ZKSCAN7: variants seen among roughly 807,000 people sequenced by gnomAD.
The protein encoded by ZKSCAN7 is zinc finger protein with KRAB and SCAN domains 7.
In ZKSCAN7, 38 loss-of-function variants were observed where a neutral mutation model predicts 65.3. The observed-to-expected ratio is 0.58, with a 90% CI of 0.45 to 0.76. The LOEUF (loss-of-function observed/expected upper bound fraction) is 0.76. ZKSCAN7 is among the 30% of genes least tolerant of loss of function. ZKSCAN7 has a pLI of 0.00. For missense variants in ZKSCAN7, 815 were observed against 913.3 expected, an observed-to-expected ratio of 0.89 and a Z score of 1.39; for synonymous variants, 321 against 321.0, an observed-to-expected ratio of 1.00 and a Z score of 0.00.
intron 5 of ZKSCAN7, among the ~76,000 whole-genome samples, chr3:44,577,391 A>G (rs1283894450): frequency 1.3e-5 from 2 of 152,148 alleles, no homozygotes; most frequent in Non-Finnish European, 2.9e-5. Flanking sequence ...AGTGGAACAA[A>G]TACAAAATGC....
chr3:44,561,996 A>G (rs921440577), intron 2 of ZKSCAN7, among the ~76,000 whole-genome samples: 6 of 152,226 alleles, frequency 3.9e-5, no homozygotes, highest in African/African-American at 1.4e-4. Context: ...CCACTAGGGA[A>G]TGCCTCAGCA....
At chr3:44,569,647 T>A (rs1043426412) in intron 5 of ZKSCAN7, among the ~76,000 whole-genome samples, 1 of 152,158 alleles carries the variant, frequency 6.6e-6, no homozygotes, top group South Asian at 2.1e-4. Flanking sequence ...GCAATCCACT[T>A]TTTTGCTTTC....
At chr3:44,580,182 G>T in intron 5 of ZKSCAN7, 1 of 1,610,078 alleles carries the variant, frequency 6.2e-7, no homozygotes, top group Non-Finnish European at 8.5e-7. Flanking sequence ...GAGCGGCGGG[G>T]GCAGCTGCTG....
chr3:44,578,463 G>C (rs973579824), intron 5 of ZKSCAN7, among the ~76,000 whole-genome samples: 1 of 152,244 alleles, frequency 6.6e-6, no homozygotes, highest in African/African-American at 2.4e-5. Context: ...TGGGCATTGA[G>C]CTCCTGGTTC....
intron 4 of ZKSCAN7, 42 bp downstream of exon 4, chr3:44,568,045 C>G (rs1183350447): frequency 6.8e-6 from 6 of 878,740 alleles, no homozygotes; most frequent in Non-Finnish European, 1.1e-5. Context: ...CCCCATGAGT[C>G]TGGTCCAAGA....
rs529101884 is a variant in ZKSCAN7, at chr3:44,562,927, G to A, written c.424-2560G>A. Among the ~76,000 whole-genome samples, 228 of 151,664 alleles carry A rather than the reference G, an allele frequency of 1.5e-3. 2 individuals carry two copies. The South Asian group carries it at 0.016, about 11-fold the overall frequency. ...GGAGCTTGCAGTGAGCCAAGATCGCGCCACTGCACTCCAGCCTGGGTGACA... is the reference window on the plus strand; with the variant it reads ...GGAGCTTGCAGTGAGCCAAGATCGCACCACTGCACTCCAGCCTGGGTGACA... On this transcript the variant is annotated intron_variant, in intron 2 of 5. Coordinates refer to ENST00000426540, the MANE Select transcript of ZKSCAN7 (RefSeq NM_001288590.2).
Position 44,562,334 on chromosome 3 carries a change from G to A in ZKSCAN7, c.424-3153G>A, listed in dbSNP as rs912806290. On this transcript the variant is annotated intron_variant, in intron 2 of 5. Coordinates refer to ENST00000426540, the MANE Select transcript of ZKSCAN7 (RefSeq NM_001288590.2). ...TCCTGAGGCTGCACAGAGCAGCTAG[G>A]CCCTGGGCCTAGCCCATGAAACCAT... is the stretch of plus-strand genomic sequence containing the variant. Among the ~76,000 whole-genome samples, 7 of 152,300 alleles carry A rather than the reference G, an allele frequency of 4.6e-5. No individual in the cohort carries two copies. The East Asian group carries it at 9.7e-4, about 21-fold the overall frequency.
chr3:44,580,016 C>T (rs563561249), intron 5 of ZKSCAN7: 88 of 1,579,144 alleles, frequency 5.6e-5, no homozygotes, highest in African/African-American at 8.1e-5. Context: ...TGCTAGGGAA[C>T]GCCCTTTTCT....
chr3:44,559,211 T>A (rs1394224478), intron 2 of ZKSCAN7, among the ~76,000 whole-genome samples: 2 of 152,066 alleles, frequency 1.3e-5, no homozygotes, highest in Non-Finnish European at 2.9e-5. Flanking sequence ...ATCACATTTT[T>A]AAAATAGTTT....
chr3:44,582,522 T>C (rs1211814042), intron 5 of ZKSCAN7, among the ~76,000 whole-genome samples: 1 of 152,214 alleles, frequency 6.6e-6, no homozygotes, highest in Non-Finnish European at 1.5e-5. Context: ...GGCAGATAGA[T>C]GTCATAATAA....
chr3:44,556,982 T>G lies in ZKSCAN7; in HGVS notation c.-66T>G. ...ACCCTGAAAAACAGTTCCTGAGACC[T>G]GAACTATTGACCATCATTTTAATCG... On this transcript the variant is annotated 5_prime_UTR_variant, in exon 2 of 6. Coordinates refer to ENST00000426540, the MANE Select transcript of ZKSCAN7 (RefSeq NM_001288590.2). The G allele has an allele frequency of 1.2e-6, 2 of 1,601,606 alleles. No homozygotes were observed. The highest frequency in any genetic ancestry group is 1.7e-6 in the Non-Finnish European group (2 of 1,172,616).
In ZKSCAN7 at chr3:44,578,319, A is replaced by G. The variant is rs554331093; in HGVS notation, c.812-4653A>G. The G allele has an allele frequency of 3.8e-5, 60 of 1,595,036 alleles. No homozygotes were observed. The African/African-American group carries it at 6.7e-4, about 18-fold the overall frequency. On this transcript the variant is annotated intron_variant, in intron 5 of 5. Coordinates refer to the ZKSCAN7 transcript ENST00000341840. ...TGTATTTCCGATTCCTATATCCGCA[A>G]TAAGACTTCTAGTTCATAGGCATCC...
chr3:44,579,183 G>A lies in ZKSCAN7; in HGVS notation c.812-3789G>A, dbSNP rs149761667. 4.8e-3 allele frequency among the ~76,000 whole-genome samples: 734 copies of A among 152,354 alleles called. 10 individuals carry two copies. Among genetic ancestry groups the A allele is most frequent in the African/African-American group, 0.017 (695 of 41,594 alleles). ...TCGCTCACAGGCAGCCCTGGGCTCC[G>A]GTCCACCTCCATGCGCAGGGCTGCA... is the stretch of plus-strand genomic sequence containing the variant. On this transcript the variant is annotated intron_variant, in intron 5 of 5. Transcript: ENST00000341840.
chr3:44,562,801 T>C (rs1699512572), intron 2 of ZKSCAN7, among the ~76,000 whole-genome samples: 1 of 152,154 alleles, frequency 6.6e-6, no homozygotes, highest in South Asian at 2.1e-4. Context: ...AAACCCCATC[T>C]CTACTAAAAA....
intron 3 of ZKSCAN7, 143 bp from the exon 4 acceptor site, chr3:44,567,767 CTT>C (rs1699677868): frequency 1.8e-6 from 1 of 564,470 alleles, no homozygotes; most frequent in African/African-American, 1.9e-5. Flanking sequence ...TCACACCACT[CTT>C]GGGATAATGC....
chr3:44,567,155 A>G (rs1699657161), intron 3 of ZKSCAN7, among the ~76,000 whole-genome samples: 1 of 127,382 alleles, frequency 7.9e-6, no homozygotes, highest in South Asian at 2.7e-4. Flanking sequence ...GGAAAGAAAG[A>G]AAGAAAAAGA....
At chr3:44,578,982 G>T (rs534010962) in intron 5 of ZKSCAN7, among the ~76,000 whole-genome samples, 4 of 152,300 alleles carry the variant, frequency 2.6e-5, no homozygotes, top group Non-Finnish European at 5.9e-5. Flanking sequence ...TTCTGGCTCT[G>T]CTCCAGCTCC....
Position 44,571,548 on chromosome 3 carries a change from T to C in ZKSCAN7, c.*173T>C. Reference sequence around the variant, plus strand: ...AGTAACTTATTCCAGTTCTTACCCATTATTAGGAAGGTAAGGACTACACAT... The same window carrying C: ...AGTAACTTATTCCAGTTCTTACCCACTATTAGGAAGGTAAGGACTACACAT... On this transcript the variant is annotated 3_prime_UTR_variant, in exon 6 of 6. Transcript: ENST00000426540. 1 of 1,499,768 alleles carries C rather than the reference T, an allele frequency of 6.7e-7. No homozygotes were observed. Among genetic ancestry groups the C allele is most frequent in the Admixed American group, 2.2e-5 (1 of 45,282 alleles). 92.9% of individuals were successfully genotyped at this position (1,499,768 alleles called of 1,614,324 possible).
At chr3:44,579,324 G>A (rs535462269) in intron 5 of ZKSCAN7, among the ~76,000 whole-genome samples, 106 of 150,466 alleles carry the variant, frequency 7.0e-4, no homozygotes, top group Non-Finnish European at 1.2e-3. Context: ...GGGCGCAGGG[G>A]CTCGTGGGTG....
Sources: allele counts gnomAD v4.1 joint callset (sites outside exome capture counted in the v4.1 genomes callset), GRCh38; gene constraint gnomAD v4.1.1; transcripts MANE v1.5; gene names NCBI Gene and HGNC (gene_info 2026-07-23, HGNC 2026-07-21).